Variants in TBC1D32 observed in about 807,000 individuals in gnomAD.
TBC1D32 encodes the protein TBC1 domain family member 32.
TBC1D32 carries 151 observed loss-of-function variants against 170.3 expected under a neutral mutation model. The observed-to-expected ratio is 0.89, with a 90% confidence interval of 0.78 to 1.01. TBC1D32 has a LOEUF of 1.01. TBC1D32 is among the 50% of genes least tolerant of loss of function. The probability of loss-of-function intolerance (pLI) is 0.00; values close to 1 mark genes in which losing one functional copy is unlikely to be tolerated. For missense variants in TBC1D32, 1,464 were observed against 1,457.1 expected (o/e 1.00, Z -0.08); for synonymous variants, 498 against 488.0 (o/e 1.02, Z -0.27).
At chr6:121,321,463 C>T (rs1809690613) in intron 2 of TBC1D32, among the ~76,000 whole-genome samples, 170 bp downstream of exon 2, 1 of 152,092 alleles carries the variant, frequency 6.6e-6, no homozygotes, top group Non-Finnish European at 1.5e-5. Context: ...AAAGGAGATG[C>T]GAAGCCTTTG....
At chr6:121,275,692 T>C (rs1319085979) in intron 15 of TBC1D32, among the ~76,000 whole-genome samples, 1 of 152,132 alleles carries the variant, frequency 6.6e-6, no homozygotes, top group Non-Finnish European at 1.5e-5. Context: ...TGAAAAGTAA[T>C]CTGGCAGGAT....
At chr6:121,195,038 C>A (rs1161690298) in intron 22 of TBC1D32, among the ~76,000 whole-genome samples, 3 of 152,186 alleles carry the variant, frequency 2.0e-5, no homozygotes, top group African/African-American at 7.2e-5. Flanking sequence ...CTGCATTTGG[C>A]CTCTCCTACA....
intron 30 of TBC1D32, among the ~76,000 whole-genome samples, chr6:121,091,590 T>C (rs1311028995): frequency 2.0e-5 from 3 of 152,200 alleles, no homozygotes; most frequent in Non-Finnish European, 4.4e-5. Flanking sequence ...AAAAGGAATT[T>C]TTTTTCCTGT....
chr6:121,113,430 A>AT (rs1284725043), intron 27 of TBC1D32, among the ~76,000 whole-genome samples: 6 of 152,160 alleles, frequency 3.9e-5, no homozygotes, highest in Non-Finnish European at 7.3e-5. Flanking sequence ...TAATATAAGC[A>AT]TTTTTTCCTG....
At chr6:121,238,995 G>T in intron 20 of TBC1D32, 75 bp downstream of exon 20, 1 of 734,944 alleles carries the variant, frequency 1.4e-6, no homozygotes. Context: ...AACTGAATAT[G>T]GATAAAGTAT....
At chr6:121,209,077 G>A (rs78828468) in intron 21 of TBC1D32, among the ~76,000 whole-genome samples, 4,338 of 151,696 alleles carry the variant, frequency 0.029, 158 homozygotes, top group African/African-American at 0.088. Context: ...TATCTGCCAG[G>A]TAGTGATCTA....
At chr6:121,245,851 C>T (rs930667480) in intron 17 of TBC1D32, among the ~76,000 whole-genome samples, 1 of 151,974 alleles carries the variant, frequency 6.6e-6, no homozygotes, top group Non-Finnish European at 1.5e-5. Flanking sequence ...AATAGCTGAA[C>T]ACTGGAACAG....
chr6:121,093,923 T>G (rs1351824476), intron 30 of TBC1D32, among the ~76,000 whole-genome samples: 2 of 152,074 alleles, frequency 1.3e-5, no homozygotes, highest in Non-Finnish European at 2.9e-5. Context: ...CCACCTAATA[T>G]GTACAAGGTA....
intron 24 of TBC1D32, among the ~76,000 whole-genome samples, chr6:121,139,216 T>A (rs1244496218): frequency 6.6e-6 from 1 of 152,208 alleles, no homozygotes; most frequent in Admixed American, 6.5e-5. Context: ...TTGGGGGGAA[T>A]TAGTAATCCT....
At chr6:121,234,212 A>G (rs117472778) in intron 20 of TBC1D32, among the ~76,000 whole-genome samples, 3,671 of 152,170 alleles carry the variant, frequency 0.024, 164 homozygotes, top group East Asian at 0.12. Flanking sequence ...TTTTGCGATG[A>G]ATTTCCCAGG....
intron 20 of TBC1D32, among the ~76,000 whole-genome samples, chr6:121,228,537 G>C (rs1308111703): frequency 6.6e-6 from 1 of 151,924 alleles, no homozygotes; most frequent in Non-Finnish European, 1.5e-5. Context: ...GTAAGTATGT[G>C]GCTTAATTTC....
chr6:121,121,637 A>C (rs553937891), intron 26 of TBC1D32, among the ~76,000 whole-genome samples: 4 of 152,128 alleles, frequency 2.6e-5, no homozygotes, highest in African/African-American at 4.8e-5. Flanking sequence ...TTCTGCTCAG[A>C]AATCTTAAAT....
At chr6:121,296,091 A>C (rs556544239) in intron 10 of TBC1D32, among the ~76,000 whole-genome samples, 2 of 152,246 alleles carry the variant, frequency 1.3e-5, no homozygotes, top group African/African-American at 4.8e-5. Context: ...GTTTCTAATG[A>C]GCTTCCCTGG....
At chr6:121,262,479 CTT>C (rs60601929) in intron 15 of TBC1D32, among the ~76,000 whole-genome samples, 25 of 143,396 alleles carry the variant, frequency 1.7e-4, no homozygotes, top group African/African-American at 3.3e-4. Flanking sequence ...ATATTAAATA[CTT>C]TTTTTTTTTT....
At chr6:121,285,079 G>A (rs1803587385) in intron 12 of TBC1D32, among the ~76,000 whole-genome samples, 1 of 152,086 alleles carries the variant, frequency 6.6e-6, no homozygotes, top group Non-Finnish European at 1.5e-5. Flanking sequence ...GTGTAACGGG[G>A]TCAGCAAACT....
intron 9 of TBC1D32, among the ~76,000 whole-genome samples, chr6:121,301,445 C>T (rs1186882177): frequency 6.6e-6 from 1 of 152,096 alleles, no homozygotes; most frequent in Non-Finnish European, 1.5e-5. Flanking sequence ...GAACAGAAAA[C>T]CAAACACAGC....
At chr6:121,116,558 T>C (rs527259524) in intron 26 of TBC1D32, among the ~76,000 whole-genome samples, 2 of 152,318 alleles carry the variant, frequency 1.3e-5, no homozygotes, top group South Asian at 4.1e-4. Flanking sequence ...CTGGAAAGTA[T>C]GATATAGATA....
chr6:121,328,487 T>C (rs1054039771), intron 1 of TBC1D32, among the ~76,000 whole-genome samples: 1 of 151,804 alleles, frequency 6.6e-6, no homozygotes, highest in Non-Finnish European at 1.5e-5. Flanking sequence ...GGTTTCACCG[T>C]GTTAGCCAGG....
At chr6:121,242,135 T>C (rs747735293) in intron 18 of TBC1D32, 66 bp downstream of exon 18, 19 of 1,499,046 alleles carry the variant, frequency 1.3e-5, no homozygotes, top group Non-Finnish European at 1.6e-5. Flanking sequence ...GAAAACAGAA[T>C]GATGTTCTTA....
Sources: allele counts gnomAD v4.1 joint callset (sites outside exome capture counted in the v4.1 genomes callset), GRCh38; gene constraint gnomAD v4.1.1; transcripts MANE v1.5; gene names NCBI Gene and HGNC (gene_info 2026-07-23, HGNC 2026-07-21).